DPP6: variants seen among roughly 807,000 people sequenced by gnomAD.
DPP6 encodes the protein dipeptidyl peptidase like 6.
DPP6 carries 69 observed loss-of-function variants against 122.6 expected under a neutral mutation model. That is an observed-to-expected ratio of 0.56 (90% CI 0.46 to 0.69). The LOEUF is 0.69. Among genes scored for constraint, DPP6 ranks in the 30% least tolerant of loss-of-function variants. The probability of loss-of-function intolerance (pLI) is 0.00; values close to 1 mark genes in which losing one functional copy is unlikely to be tolerated. For synonymous variants in DPP6, 418 were observed against 433.1 expected (o/e 0.97, Z 0.43); for missense variants, 928 against 1,116.9 (o/e 0.83, Z 2.41).
At chr7:154,082,898 G>T (rs1804131973) in intron 1 of DPP6, among the ~76,000 whole-genome samples, 1 of 147,006 alleles carries the variant, frequency 6.8e-6, no homozygotes, top group Non-Finnish European at 1.5e-5. Flanking sequence ...ACCCAGGCTG[G>T]AGTGCAGTGG....
At chr7:154,385,317 A>G (rs1814007909) in intron 1 of DPP6, among the ~76,000 whole-genome samples, 1 of 152,062 alleles carries the variant, frequency 6.6e-6, no homozygotes, top group African/African-American at 2.4e-5. Context: ...ACAGCGACAC[A>G]TGCTCTTGGG....
chr7:153,853,804 A>G, the DPP6 span, among the ~76,000 whole-genome samples: 4 of 151,832 alleles, frequency 2.6e-5, no homozygotes, highest in South Asian at 4.2e-4. Context: ...TTGCCTGTTC[A>G]CTCTGATGGT....
rs552594391 is a variant in DPP6 at position 154,296,701 on chromosome 7, C to G, written c.244-149513C>G. Among the ~76,000 whole-genome samples the G allele has an allele frequency of 9.8e-5, 15 of 152,318 alleles. 1 individual carries two copies. The highest frequency in any genetic ancestry group is 3.6e-4 in the African/African-American group (15 of 41,574). ...CTAGAATTCCCTGAAACCTGAAGGC[C>G]CCACATGATGCACCTGTTTATTCAA... On this transcript the variant is annotated intron_variant, in intron 1 of 25. Coordinates refer to ENST00000377770, the MANE Select transcript of DPP6 (RefSeq NM_130797.4).
At chr7:154,563,090 G>A (rs548096615) in intron 4 of DPP6, among the ~76,000 whole-genome samples, 2 of 152,294 alleles carry the variant, frequency 1.3e-5, no homozygotes, top group Admixed American at 6.5e-5. Flanking sequence ...CGGAGGCAAG[G>A]CAGTTAATAT....
the DPP6 span, among the ~76,000 whole-genome samples, chr7:153,774,318 A>G: frequency 3.9e-5 from 6 of 152,192 alleles, no homozygotes; most frequent in Non-Finnish European, 7.3e-5. Context: ...TACAATACAG[A>G]GGTTAAGATC....
At chr7:154,195,188 A>G (rs1798804058) in intron 1 of DPP6, among the ~76,000 whole-genome samples, 1 of 152,244 alleles carries the variant, frequency 6.6e-6, no homozygotes, top group African/African-American at 2.4e-5. Flanking sequence ...TTTTTTCTGC[A>G]TATGGCTATC....
chr7:154,706,870 G>A (rs555123919), intron 7 of DPP6, among the ~76,000 whole-genome samples: 5 of 152,296 alleles, frequency 3.3e-5, no homozygotes, highest in South Asian at 4.1e-4. Context: ...TTCCTTTAGC[G>A]TTTGAAAGCT....
intron 5 of DPP6, among the ~76,000 whole-genome samples, chr7:154,597,517 G>A (rs1833169873): frequency 6.6e-6 from 1 of 152,170 alleles, no homozygotes; most frequent in Non-Finnish European, 1.5e-5. Context: ...GGAGGCTGAG[G>A]CAGGAGAATT....
intron 5 of DPP6, among the ~76,000 whole-genome samples, chr7:154,589,337 C>T (rs2130719989): frequency 6.6e-6 from 1 of 152,202 alleles, no homozygotes; most frequent in East Asian, 1.9e-4. Context: ...AGCAAGTGTT[C>T]CTTGCTCTCG....
chr7:153,979,923 G>A (rs1796498226), intron 1 of DPP6, among the ~76,000 whole-genome samples: 1 of 152,136 alleles, frequency 6.6e-6, no homozygotes, highest in South Asian at 2.1e-4. Flanking sequence ...TAAGCTTTTT[G>A]ATCTGCTGCT....
In DPP6 at chr7:154,618,708, C is replaced by T. The variant is rs1203746104; in HGVS notation, c.628-19113C>T. On this transcript the variant is annotated intron_variant, in intron 5 of 25. Coordinates refer to ENST00000377770, the MANE Select transcript of DPP6 (RefSeq NM_130797.4). This position sits in a 1 kb window ranked among gnomAD's most constrained non-coding sequence, Gnocchi z 4.1. Reference sequence around the variant, plus strand: ...GCTCTTACATGTACTGAAAACTCAGCACATGCCTACTAAATGCTCTGTAGG... The same window carrying T: ...GCTCTTACATGTACTGAAAACTCAGTACATGCCTACTAAATGCTCTGTAGG... 2.0e-5 allele frequency among the ~76,000 whole-genome samples: 3 copies of T among 152,192 alleles called. No individual in the cohort carries two copies. The highest frequency in any genetic ancestry group is 4.4e-5 in the Non-Finnish European group (3 of 68,028).
At chr7:154,583,127 C>T (rs1400744637) in intron 5 of DPP6, among the ~76,000 whole-genome samples, 1 of 152,190 alleles carries the variant, frequency 6.6e-6, no homozygotes, top group Non-Finnish European at 1.5e-5. Flanking sequence ...GCAGTCTTCT[C>T]GCCCTGGAAT....
At chr7:154,453,833 T>C (rs990924282) in intron 2 of DPP6, among the ~76,000 whole-genome samples, 1 of 152,142 alleles carries the variant, frequency 6.6e-6, no homozygotes, top group Non-Finnish European at 1.5e-5. Flanking sequence ...GTTCTATATG[T>C]TTGTGAGATT....
intron 12 of DPP6, among the ~76,000 whole-genome samples, chr7:154,800,700 C>T (rs1798307963): frequency 6.6e-6 from 1 of 152,194 alleles, no homozygotes; most frequent in East Asian, 1.9e-4. Flanking sequence ...TGTTGTCATC[C>T]AGTGTGGCCC....
At chr7:154,556,508 T>TA (rs1830052821) in intron 4 of DPP6, among the ~76,000 whole-genome samples, 1 of 152,198 alleles carries the variant, frequency 6.6e-6, no homozygotes, top group African/African-American at 2.4e-5. Flanking sequence ...TACAAAGATG[T>TA]AATGTAAGTC....
At chr7:154,815,085 A>G (rs1261939823) in intron 16 of DPP6, among the ~76,000 whole-genome samples, 1 of 152,216 alleles carries the variant, frequency 6.6e-6, no homozygotes, top group Non-Finnish European at 1.5e-5. Flanking sequence ...GCCTTCTTAT[A>G]TAAGAAAGAA....
chr7:154,729,612 G>C (rs1586972240), intron 8 of DPP6, among the ~76,000 whole-genome samples: 1 of 152,134 alleles, frequency 6.6e-6, no homozygotes, highest in South Asian at 2.1e-4. Flanking sequence ...CTTTCCAAGG[G>C]CTTTCTCCCT....
At chr7:153,964,978 C>CCCTCCCTTCCTT (rs1795606849) in intron 1 of DPP6, among the ~76,000 whole-genome samples, 5 of 71,230 alleles carry the variant, frequency 7.0e-5, no homozygotes, top group African/African-American at 4.9e-4. Flanking sequence ...CATTTCTTTT[C>CCCTCCCTTCCTT]CCTTCCTTCC....
intron 1 of DPP6, among the ~76,000 whole-genome samples, chr7:154,107,431 T>G (rs1267561852): frequency 6.6e-6 from 1 of 152,116 alleles, no homozygotes; most frequent in Non-Finnish European, 1.5e-5. Context: ...GGGGGTGGGT[T>G]GGGGAGATGT....
Sources: gnomAD v4.1 joint callset for allele counts (sites outside exome capture counted in the v4.1 genomes callset) on GRCh38, gnomAD v4.1.1 for gene constraint, Gnocchi (gnomAD v3.1) non-coding constraint, MANE v1.5 for transcripts, NCBI Gene and HGNC (gene_info 2026-07-23, HGNC 2026-07-21) for gene names.